TNFSF4: variants seen among roughly 807,000 people sequenced by gnomAD.
The protein encoded by TNFSF4 is tumor necrosis factor ligand superfamily member 4.
TNFSF4 carries 4 observed loss-of-function variants against 7.3 expected under a neutral mutation model. The ratio of observed to expected loss-of-function variants is 0.55; its 90% CI spans 0.27 to 1.25. The LOEUF (loss-of-function observed/expected upper bound fraction) is 1.25, where lower values mean the gene tolerates loss of function less well. TNFSF4 is among the 50% of genes most tolerant of loss of function. The pLI, the probability that TNFSF4 is intolerant of heterozygous loss-of-function variation, is 0.12. For missense variants in TNFSF4, 181 were observed against 208.8 expected (o/e 0.87, Z 0.82); for synonymous variants, 76 against 83.7 (o/e 0.91, Z 0.50).
At chr1:173,274,670 T>C in the TNFSF4 span, among the ~76,000 whole-genome samples, 1 of 151,982 alleles carries the variant, frequency 6.6e-6, no homozygotes. Context: ...CTCCAGCTGA[T>C]CCCAGAAAAA....
At chr1:173,405,970 C>T in the TNFSF4 span, among the ~76,000 whole-genome samples, 2 of 152,208 alleles carry the variant, frequency 1.3e-5, no homozygotes, top group East Asian at 1.9e-4. Context: ...CTGCATGGCA[C>T]GTGGGTGTGT....
the TNFSF4 span, among the ~76,000 whole-genome samples, chr1:173,259,947 C>A: frequency 2.2e-3 from 329 of 152,246 alleles, no homozygotes; most frequent in African/African-American, 5.5e-3. Flanking sequence ...ACTTCCCCAA[C>A]CTAGCAAGAC....
the TNFSF4 span, among the ~76,000 whole-genome samples, chr1:173,376,574 G>A: frequency 7.2e-5 from 11 of 152,184 alleles, no homozygotes; most frequent in African/African-American, 2.7e-4. Context: ...TCTGTGTCTA[G>A]CTAAAGGTTT....
chr1:173,400,861 CAACT>C, the TNFSF4 span, among the ~76,000 whole-genome samples: 16 of 152,168 alleles, frequency 1.1e-4, no homozygotes, highest in South Asian at 2.1e-4. Context: ...GAATCACAAC[CAACT>C]GAGAAACTTG....
At chr1:173,251,418 T>A in the TNFSF4 span, among the ~76,000 whole-genome samples, 1 of 152,234 alleles carries the variant, frequency 6.6e-6, no homozygotes, top group African/African-American at 2.4e-5. Flanking sequence ...CTGATCTTGT[T>A]CATTATTGAA....
chr1:173,397,611 T>G, the TNFSF4 span, among the ~76,000 whole-genome samples: 2 of 152,184 alleles, frequency 1.3e-5, no homozygotes, highest in African/African-American at 4.8e-5. Flanking sequence ...TTTCCCCAGT[T>G]TTGGAATGCA....
the TNFSF4 span, among the ~76,000 whole-genome samples, chr1:173,213,330 AT>A: frequency 6.6e-6 from 1 of 151,894 alleles, no homozygotes; most frequent in South Asian, 2.1e-4. Context: ...ACTGGCAGTT[AT>A]TTTAGGGCAT....
At chr1:173,341,538 T>C in the TNFSF4 span, among the ~76,000 whole-genome samples, 15 of 152,340 alleles carry the variant, frequency 9.8e-5, no homozygotes, top group Non-Finnish European at 1.8e-4. Flanking sequence ...ATTCTGGATG[T>C]GGAATCAGGA....
chr1:173,183,741 T>C lies in TNFSF4; in HGVS notation c.*2775A>G, dbSNP rs997570569. 5 of 152,224 alleles carry C rather than the reference T, an allele frequency of 3.3e-5. No homozygotes were observed. Among genetic ancestry groups the C allele is most frequent in the African/African-American group, 1.2e-4 (5 of 41,458 alleles). The allele number at this position is 152,224 out of a possible 1,614,324, so 9.4% of individuals were successfully genotyped here. A position where few individuals can be genotyped will look rare whatever the true frequency, so the allele number is the denominator to read the frequency against. On this transcript the variant is annotated 3_prime_UTR_variant, in exon 3 of 3. Transcript: ENST00000281834. ...CAACACTCTCACCAGTAGTGAATTC[T>C]GAGATCTTTTATTTGTTTCCATGTA... is the stretch of plus-strand genomic sequence containing the variant.
chr1:173,326,805 T>C, the TNFSF4 span, among the ~76,000 whole-genome samples: 1 of 152,124 alleles, frequency 6.6e-6, no homozygotes, highest in Non-Finnish European at 1.5e-5. Flanking sequence ...GAATCCAACT[T>C]ACAAGGGATG....
chr1:173,228,703 A>G, the TNFSF4 span, among the ~76,000 whole-genome samples: 2 of 152,350 alleles, frequency 1.3e-5, no homozygotes, highest in East Asian at 3.8e-4. Context: ...ATGAATGGCA[A>G]ACTAGAATAA....
the TNFSF4 span, among the ~76,000 whole-genome samples, chr1:173,350,896 C>G: frequency 6.6e-6 from 1 of 152,192 alleles, no homozygotes; most frequent in Non-Finnish European, 1.5e-5. Flanking sequence ...GTCTCCTATT[C>G]CTGTAAGAGG....
intron 1 of TNFSF4, among the ~76,000 whole-genome samples, chr1:173,197,776 G>GCA (rs1461970298): frequency 6.6e-6 from 1 of 152,004 alleles, no homozygotes; most frequent in Non-Finnish European, 1.5e-5. Context: ...AGCCACCATG[G>GCA]CACACGTTTA....
rs533956222 is a variant in TNFSF4 at position 173,186,079 on chromosome 1, C to T, written c.*437G>A. 1 of 159,560 alleles carries T rather than the reference C, an allele frequency of 6.3e-6. No homozygotes were observed. Among genetic ancestry groups the T allele is most frequent in the East Asian group, 1.8e-4 (1 of 5,514 alleles). 9.9% of individuals were successfully genotyped at this position (159,560 alleles called of 1,614,324 possible). On this transcript the variant is annotated 3_prime_UTR_variant, in exon 3 of 3. Coordinates refer to ENST00000281834, the MANE Select transcript of TNFSF4 (RefSeq NM_003326.5). ...ACCACCTTTGGCAGATTCATAACCC[C>T]ACTCCTTCACTCCTTGCTCCTCTTC...
the TNFSF4 span, among the ~76,000 whole-genome samples, chr1:173,384,306 A>C: frequency 6.6e-6 from 1 of 152,186 alleles, no homozygotes; most frequent in Non-Finnish European, 1.5e-5. Context: ...GAAAGAAATA[A>C]AAAGTACAGT....
chr1:173,173,190 A>G, the TNFSF4 span, among the ~76,000 whole-genome samples: 1 of 152,304 alleles, frequency 6.6e-6, no homozygotes, highest in South Asian at 2.1e-4. Context: ...GAGCCAGACT[A>G]TATCATTCTA....
At chr1:173,173,874 G>A in the TNFSF4 span, among the ~76,000 whole-genome samples, 472 of 152,312 alleles carry the variant, frequency 3.1e-3, 7 homozygotes, top group Middle Eastern at 0.034. Context: ...GAAGGTCTCC[G>A]ACATGCCCTG....
chr1:173,174,175 C>G, the TNFSF4 span: 1 of 152,220 alleles, frequency 6.6e-6, no homozygotes, highest in East Asian at 1.9e-4. Flanking sequence ...GTGACCTTTA[C>G]TCCAGGTCCC....
the TNFSF4 span, among the ~76,000 whole-genome samples, chr1:173,376,015 C>T: frequency 6.6e-6 from 1 of 152,176 alleles, no homozygotes; most frequent in Non-Finnish European, 1.5e-5. Flanking sequence ...CTTGGTCCCT[C>T]TGGCTTTCTG....
Sources: allele counts gnomAD v4.1 joint callset (sites outside exome capture counted in the v4.1 genomes callset), GRCh38; gene constraint gnomAD v4.1.1; transcripts MANE v1.5; gene names NCBI Gene and HGNC (gene_info 2026-07-23, HGNC 2026-07-21).